NAV2: variants seen among roughly 807,000 people sequenced by gnomAD.
NAV2 encodes the protein neuron navigator 2.
In NAV2, 54 loss-of-function variants were observed where a neutral mutation model predicts 223.2. The ratio of observed to expected loss-of-function variants is 0.24; its 90% CI spans 0.19 to 0.30. The LOEUF is 0.30. NAV2 is among the 10% of genes least tolerant of loss of function. The probability of loss-of-function intolerance (pLI) is 1.00; values close to 1 mark genes in which losing one functional copy is unlikely to be tolerated. For missense variants in NAV2, 2,806 were observed against 3,147.5 expected (o/e 0.89, Z 2.60); for synonymous variants, 1,279 against 1,239.3 (o/e 1.03, Z -0.67).
rs10590815 is a variant in NAV2 at position 20,107,057 on chromosome 11, A to ATTTTTTT, written c.6842-575_6842-569dup. On this transcript the variant is annotated intron_variant, in intron 35 of 37. Transcript: ENST00000349880. ...TTTGGACTTGCAGTCATGGGCTTCC[A>ATTTTTTT]TTTTTTTTTTTTTTTTTTTTTTTTT... 1.2e-3 allele frequency among the ~76,000 whole-genome samples: 33 copies of ATTTTTTT among 27,254 alleles called. 1 individual carries two copies. The highest frequency in any genetic ancestry group is 2.0e-3 in the South Asian group (1 of 496). The allele number at this position is 27,254 out of a possible 152,430, so 17.9% of individuals were successfully genotyped here.
intron 1 of NAV2, among the ~76,000 whole-genome samples, chr11:19,527,973 A>ACACACACACACACACACACAC (rs2043897505): frequency 4.5e-5 from 5 of 112,096 alleles, no homozygotes; most frequent in African/African-American, 2.2e-4. Flanking sequence ...CACACACACA[A>ACACACACACACACACACACAC]TCCTGGGAAT....
chr11:19,527,937 GACAC>G lies in NAV2; in HGVS notation c.75+176942_75+176945del, dbSNP rs67561376. On this transcript the variant is annotated intron_variant, in intron 1 of 37. Transcript: ENST00000360655. The stretch of plus-strand genomic sequence containing the variant: ...TCACAAGGAGATAGCTCCCTGCCCT[GACAC>G]ACACACACACACACACACACACACA... Among the ~76,000 whole-genome samples the G allele has an allele frequency of 3.6e-3, 514 of 143,278 alleles. 3 individuals are homozygous for G. Among genetic ancestry groups the G allele is most frequent in the South Asian group, 8.2e-3 (36 of 4,408 alleles). 94.0% of individuals were successfully genotyped at this position (143,278 alleles called of 152,430 possible). A position where few individuals can be genotyped will look rare whatever the true frequency, so the allele number is the denominator to read the frequency against.
intron 2 of NAV2, among the ~76,000 whole-genome samples, chr11:19,835,679 A>G (rs555339182): frequency 5.9e-5 from 9 of 152,252 alleles, no homozygotes; most frequent in African/African-American, 2.2e-4. Context: ...TTTAATATAC[A>G]CATATGTATG....
intron 1 of NAV2, among the ~76,000 whole-genome samples, chr11:19,682,923 A>G (rs2048918148): frequency 1.3e-5 from 2 of 152,180 alleles, no homozygotes. Context: ...CCCATTTTTC[A>G]GATGAAAACA....
intron 10 of NAV2, 78 bp from the exon 11 acceptor site, chr11:19,984,047 G>GA: frequency 6.3e-7 from 1 of 1,599,514 alleles, no homozygotes; most frequent in Non-Finnish European, 8.6e-7. Context: ...CGGCTGTACA[G>GA]GCTTCTGGAT....
At chr11:20,062,560 C>A (rs985495514) in intron 20 of NAV2, among the ~76,000 whole-genome samples, 1 of 152,184 alleles carries the variant, frequency 6.6e-6, no homozygotes, top group Non-Finnish European at 1.5e-5. Flanking sequence ...GAACTGGCTG[C>A]CTTGTTAAAG....
chr11:19,698,673 C>T (rs1353250664), intron 1 of NAV2, among the ~76,000 whole-genome samples: 2 of 152,200 alleles, frequency 1.3e-5, no homozygotes, highest in Admixed American at 6.5e-5. Flanking sequence ...TTTGTGTGGA[C>T]GAGTAAGCTG....
At chr11:19,503,219 A>C (rs1488028867) in intron 1 of NAV2, 1 of 152,204 alleles carries the variant, frequency 6.6e-6, no homozygotes, top group East Asian at 1.9e-4. Context: ...CTTGCCCCCC[A>C]CACATACACA....
intron 1 of NAV2, among the ~76,000 whole-genome samples, chr11:19,421,763 G>GATT (rs1235395216): frequency 7.9e-5 from 2 of 25,316 alleles, no homozygotes; most frequent in Admixed American, 4.9e-4. Context: ...TAAGAGAGAG[G>GATT]CTTTTTTTTT....
At chr11:19,687,439 CA>C (rs1461452252) in intron 1 of NAV2, among the ~76,000 whole-genome samples, 1 of 152,198 alleles carries the variant, frequency 6.6e-6, no homozygotes, top group African/African-American at 2.4e-5. Flanking sequence ...TGAATTATCT[CA>C]AAGTGAACAC....
chr11:19,621,368 G>A (rs1565108750), intron 1 of NAV2, among the ~76,000 whole-genome samples: 1 of 152,200 alleles, frequency 6.6e-6, no homozygotes, highest in African/African-American at 2.4e-5. Flanking sequence ...GAATTCGGCT[G>A]TGAATCCGTC....
At chr11:19,555,449 G>T (rs1267287506) in intron 1 of NAV2, among the ~76,000 whole-genome samples, 1 of 152,084 alleles carries the variant, frequency 6.6e-6, no homozygotes, top group Non-Finnish European at 1.5e-5. Flanking sequence ...CCAGACCTGG[G>T]GGGGGCTCTG....
chr11:19,985,040 A>T (rs529696820), intron 11 of NAV2, among the ~76,000 whole-genome samples: 1 of 152,206 alleles, frequency 6.6e-6, no homozygotes, highest in Non-Finnish European at 1.5e-5. Flanking sequence ...TTCTTTCCAC[A>T]TCTGGGTTGA....
chr11:19,709,473 C>G (rs866695086), upstream of NAV2, among the ~76,000 whole-genome samples: 1 of 134,760 alleles, frequency 7.4e-6, no homozygotes, highest in African/African-American at 2.8e-5. Flanking sequence ...ACCCAGGAGG[C>G]GGAGCTTCCT....
chr11:19,447,668 T>C (rs954636418), intron 1 of NAV2, among the ~76,000 whole-genome samples: 2 of 152,210 alleles, frequency 1.3e-5, no homozygotes, highest in Non-Finnish European at 2.9e-5. Context: ...TGACTTAGAA[T>C]GTAAGCCTGC....
intron 1 of NAV2, among the ~76,000 whole-genome samples, chr11:19,446,707 A>G (rs546559558): frequency 1.3e-5 from 2 of 152,264 alleles, no homozygotes; most frequent in South Asian, 2.1e-4. Flanking sequence ...AAACAGCTGA[A>G]CCGCTGAACT....
intron 1 of NAV2, among the ~76,000 whole-genome samples, chr11:19,550,148 G>C (rs575663794): frequency 6.6e-6 from 1 of 152,286 alleles, no homozygotes; most frequent in South Asian, 2.1e-4. Flanking sequence ...GAAAAACTCT[G>C]GGACCTGTTT....
chr11:19,997,580 T>C (rs1282325932), intron 11 of NAV2, among the ~76,000 whole-genome samples: 1 of 152,200 alleles, frequency 6.6e-6, no homozygotes, highest in African/African-American at 2.4e-5. Flanking sequence ...CCCAGAGGAC[T>C]TACCACATCA....
intron 10 of NAV2, among the ~76,000 whole-genome samples, chr11:19,968,552 T>A (rs188974526): frequency 1.2e-4 from 19 of 152,280 alleles, no homozygotes; most frequent in Admixed American, 3.3e-4. Flanking sequence ...TAAACATGTT[T>A]TACTGTTGAA....
Sources: gnomAD v4.1 joint callset for allele counts (sites outside exome capture counted in the v4.1 genomes callset) on GRCh38, gnomAD v4.1.1 for gene constraint, MANE v1.5 for transcripts, NCBI Gene and HGNC (gene_info 2026-07-23, HGNC 2026-07-21) for gene names.